The following ABCA13 variants were observed in gnomAD, a reference collection of about 807,000 sequenced individuals.
ABCA13 encodes the protein ATP-binding cassette sub-family A member 13.
A neutral mutation model predicts 478.7 loss-of-function variants in ABCA13; 476 were observed. That is an observed-to-expected ratio of 0.99 (90% CI 0.92 to 1.07). The LOEUF is 1.07. Ranked by LOEUF, ABCA13 falls within the 50% of genes least tolerant of loss-of-function variation. The probability of loss-of-function intolerance (pLI) is 0.00; values close to 1 mark genes in which losing one functional copy is unlikely to be tolerated. For synonymous variants in ABCA13, 2,252 were observed against 2,158.9 expected, an observed-to-expected ratio of 1.04 and a Z score of -1.20; for missense variants, 6,060 against 5,910.6, an observed-to-expected ratio of 1.03 and a Z score of -0.83.
intron 15 of ABCA13, among the ~76,000 whole-genome samples, chr7:48,258,984 A>C (rs1584480869): frequency 6.9e-6 from 1 of 145,310 alleles, no homozygotes; most frequent in South Asian, 2.2e-4. Context: ...GTTTGGTGTG[A>C]CTTTTTTTTT....
At chr7:48,558,142 CCTTT>C (rs1046208507) in intron 55 of ABCA13, among the ~76,000 whole-genome samples, 2 of 149,868 alleles carry the variant, frequency 1.3e-5, no homozygotes, top group African/African-American at 2.5e-5. Flanking sequence ...TTCCTTCCTT[CCTTT>C]CTCCATCCCT....
At chr7:48,426,741 T>G (rs1000133047) in intron 41 of ABCA13, among the ~76,000 whole-genome samples, 3 of 152,164 alleles carry the variant, frequency 2.0e-5, no homozygotes, top group Non-Finnish European at 4.4e-5. Context: ...CCTAGCTTTG[T>G]GCATGGCCCA....
At chr7:48,611,745 T>C (rs1364359954) in intron 58 of ABCA13, among the ~76,000 whole-genome samples, 3 of 152,152 alleles carry the variant, frequency 2.0e-5, no homozygotes, top group Non-Finnish European at 4.4e-5. Flanking sequence ...CAATTTGATA[T>C]GAGATTTTGG....
Position 48,234,142 on chromosome 7 carries a change from A to G in ABCA13, c.888A>G (p.Glu296=). 1.9e-6 allele frequency: 3 copies of G among 1,613,920 alleles called. No homozygotes were observed. ...AACAGATCCTGAACTCTTCAGCTGA[A>G]CTGAAGGAGGTACACATGCTTGACT... ...HTEQILNSSA[E]LKEIPTDTSL... is the part of the protein sequence containing the mutation. Residue 296 remains glutamate (E), a synonymous_variant, in exon 8 of 62, where the codon GAA becomes GAG. Coordinates refer to ENST00000435803, the MANE Select transcript of ABCA13 (RefSeq NM_152701.5).
chr7:48,392,090 A>G lies in ABCA13; in HGVS notation c.11824A>G (p.Ile3942Val), dbSNP rs180684124. 4 of 1,613,988 alleles carry G rather than the reference A, an allele frequency of 2.5e-6. No individual in the cohort carries two copies. Among genetic ancestry groups the G allele is most frequent in the Admixed American group, 3.3e-5 (2 of 60,024 alleles). The change falls in exon 38 of 62, where the codon ATA (isoleucine) becomes GTA (valine). Residue 3942 changes from isoleucine (I) to valine (V), a missense_variant. By Grantham distance (29) the Ile-to-Val change is conservative (BLOSUM62 3). Coordinates refer to ENST00000435803, the MANE Select transcript of ABCA13 (RefSeq NM_152701.5). The part of the protein sequence containing the change: ...VREHLLLFAS[I>V]KAPQWTKKEL... Reference sequence around the variant, plus strand: ...GGAACATTTGCTGCTCTTTGCTTCCATAAAGGCGCCTCAGTGGACCAAGAA... The same window carrying G: ...GGAACATTTGCTGCTCTTTGCTTCCGTAAAGGCGCCTCAGTGGACCAAGAA...
intron 15 of ABCA13, 41 bp downstream of exon 15, chr7:48,249,392 C>A: frequency 6.2e-7 from 1 of 1,606,424 alleles, no homozygotes. Flanking sequence ...GGGATGCTTT[C>A]CCCTTTTAGT....
Position 48,274,538 on chromosome 7 carries a change from A to G in ABCA13, c.4872A>G (p.Ile1624Met). The G allele has an allele frequency of 1.2e-6, 2 of 1,613,908 alleles. No homozygotes were observed. The highest frequency in any genetic ancestry group is 1.1e-5 in the South Asian group (1 of 91,076). Residue 1624 changes from isoleucine (I) to methionine (M), a missense_variant, in exon 17 of 62, where the codon ATA (isoleucine) becomes ATG (methionine). Transcript: ENST00000435803. ...NSPKIIISPE[I>M]MKATGLGIQL... ...CAAAAATAATAATTTCACCTGAAAT[A>G]ATGAAAGCTACAGGTCTTGGTATTC... is the stretch of plus-strand genomic sequence containing the variant.
intron 58 of ABCA13, among the ~76,000 whole-genome samples, chr7:48,613,381 G>T (rs1792223391): frequency 6.6e-6 from 1 of 151,818 alleles, no homozygotes; most frequent in African/African-American, 2.4e-5. Context: ...GAAGAGACAG[G>T]GTTTCATCAT....
chr7:48,262,453 C>T (rs562327469), intron 15 of ABCA13, among the ~76,000 whole-genome samples: 1 of 152,038 alleles, frequency 6.6e-6, no homozygotes, highest in East Asian at 1.9e-4. Context: ...AGGAAATTAA[C>T]TTTACCCTCT....
In ABCA13 at chr7:48,300,453, A is replaced by C. The variant is rs188396734; in HGVS notation, c.9321+1966A>C. Among the ~76,000 whole-genome samples the C allele has an allele frequency of 3.7e-3, 564 of 152,372 alleles. 5 individuals are homozygous for C. The highest frequency in any genetic ancestry group is 0.013 in the African/African-American group (535 of 41,584). ...CAAACAAAAGAAGGTCAGTGTTAAG[A>C]GACCAGAAAGTTCTATCATGCAAAT... On this transcript the variant is annotated intron_variant, in intron 23 of 61. Transcript: ENST00000435803.
At position 48,276,460 on chromosome 7, in the gene ABCA13, A is replaced by G. The variant is rs1442959417; in HGVS notation, c.6794A>G (p.Glu2265Gly). 3.8e-6 allele frequency: 6 copies of G among 1,599,430 alleles called. No homozygotes were observed. The African/African-American group carries it at 8.1e-5, about 21-fold the overall frequency. Residue 2265 changes from glutamate to glycine, a missense_variant, in exon 17 of 62, where the codon GAA becomes GGA. This residue lies in a region of ABCA13 where 4,423 missense variants were observed against 4,309.1 expected (regional missense o/e 1.03). Transcript: ENST00000435803. ...LSLRSIVDFT[E>G]QFLKTFFSLF... ...CTGAGAAGCATAGTAGATTTCACAG[A>G]ACAGTTTTTGAAAACATTCTTCTCC...
At chr7:48,612,116 C>T (rs1792085111) in intron 58 of ABCA13, 1 of 152,166 alleles carries the variant, frequency 6.6e-6, no homozygotes, top group Non-Finnish European at 1.5e-5. Context: ...CACCGTGCCA[C>T]CATCACCATC....
chr7:48,280,458 A>C (rs1007224574), intron 18 of ABCA13, among the ~76,000 whole-genome samples: 3 of 152,196 alleles, frequency 2.0e-5, no homozygotes, highest in Non-Finnish European at 2.9e-5. Context: ...CCTGTTCTTA[A>C]AAGCTCCAGT....
In ABCA13 at chr7:48,607,599, A is replaced by G. The variant is rs78021651; in HGVS notation, c.14745-7686A>G. 4.7e-3 allele frequency among the ~76,000 whole-genome samples: 718 copies of G among 152,234 alleles called. 5 individuals are homozygous for G. Among genetic ancestry groups the G allele is most frequent in the African/African-American group, 0.016 (676 of 41,538 alleles). On this transcript the variant is annotated intron_variant, in intron 58 of 61. Coordinates refer to ENST00000435803, the MANE Select transcript of ABCA13 (RefSeq NM_152701.5). ...TTTTCTTCTAAATCTAGCATCTGAG[A>G]ACACTTATGAACAATTTCTTTTGAC...
intron 20 of ABCA13, among the ~76,000 whole-genome samples, chr7:48,293,204 C>CCCCCCCCCAA (rs1554419805): frequency 2.3e-5 from 3 of 131,444 alleles, no homozygotes; most frequent in Admixed American, 7.6e-5. Context: ...CCCCCCCCCG[C>CCCCCCCCCAA]CACACACACA....
At chr7:48,294,888 C>T (rs1799158922) in intron 20 of ABCA13, among the ~76,000 whole-genome samples, 1 of 152,160 alleles carries the variant, frequency 6.6e-6, no homozygotes, top group Non-Finnish European at 1.5e-5. Flanking sequence ...TAATTTCCTT[C>T]TTTTTACAGC....
intron 28 of ABCA13, among the ~76,000 whole-genome samples, chr7:48,336,194 T>G (rs1806241215): frequency 6.6e-6 from 1 of 152,188 alleles, no homozygotes; most frequent in Non-Finnish European, 1.5e-5. Context: ...TGAAGTTCTC[T>G]GTACCTTGAG....
chr7:48,641,341 G>A (rs1302922087), intron 59 of ABCA13, among the ~76,000 whole-genome samples: 1 of 151,972 alleles, frequency 6.6e-6, no homozygotes, highest in Non-Finnish European at 1.5e-5. Context: ...ATAAATAGTG[G>A]CCTTCTTCAC....
At chr7:48,605,546 C>A (rs574153877) in intron 58 of ABCA13, among the ~76,000 whole-genome samples, 1 of 152,342 alleles carries the variant, frequency 6.6e-6, no homozygotes, top group South Asian at 2.1e-4. Flanking sequence ...GTCCCCCATT[C>A]TCCTCTGGCT....
Sources: gnomAD v4.1 joint callset for allele counts (sites outside exome capture counted in the v4.1 genomes callset) on GRCh38, gnomAD v4.1.1 for gene constraint, gnomAD v4.1.1 regional missense constraint, MANE v1.5 for transcripts, NCBI Gene and HGNC (gene_info 2026-07-23, HGNC 2026-07-21) for gene names.